PRKG1: variants seen among roughly 807,000 people sequenced by gnomAD.
PRKG1 encodes the protein protein kinase cGMP-dependent 1.
PRKG1 carries 35 observed loss-of-function variants against 88.1 expected under a neutral mutation model. That is an observed-to-expected ratio of 0.40 (90% CI 0.30 to 0.53). The LOEUF (loss-of-function observed/expected upper bound fraction) is 0.53. Ranked by LOEUF, PRKG1 falls within the 20% of genes least tolerant of loss-of-function variation. The pLI is 0.59. For synonymous variants in PRKG1, 303 were observed against 292.5 expected, an observed-to-expected ratio of 1.04 and a Z score of -0.37; for missense variants, 540 against 839.8, an observed-to-expected ratio of 0.64 and a Z score of 4.41.
Position 51,139,639 on chromosome 10 carries a change from A to G in PRKG1, c.312-13525A>G, listed in dbSNP as rs1010461323. Among the ~76,000 whole-genome samples the G allele has an allele frequency of 2.0e-5, 3 of 152,158 alleles. No individual in the cohort carries two copies. In the South Asian group the frequency reaches 6.2e-4, roughly 32 times the overall value. On this transcript the variant is annotated intron_variant, in intron 1 of 17. Coordinates refer to ENST00000373980, the MANE Select transcript of PRKG1 (RefSeq NM_006258.4). The stretch of plus-strand genomic sequence containing the variant: ...TTTCCTTTTCCCCATCCTTACATTC[A>G]TTCTACCAGTAAGTCCTATAGCGCC...
At chr10:51,755,693 A>G (rs1227576288) in intron 3 of PRKG1, among the ~76,000 whole-genome samples, 1 of 152,246 alleles carries the variant, frequency 6.6e-6, no homozygotes, top group African/African-American at 2.4e-5. Context: ...TTATTTAACC[A>G]GCATTCTGTA....
At chr10:51,212,435 G>A (rs1259921053) in intron 2 of PRKG1, among the ~76,000 whole-genome samples, 1 of 152,152 alleles carries the variant, frequency 6.6e-6, no homozygotes, top group African/African-American at 2.4e-5. Flanking sequence ...AACACCAAAA[G>A]CAATGGCAAC....
intron 7 of PRKG1, among the ~76,000 whole-genome samples, chr10:52,108,825 C>CTTTTTTT (rs61504053): frequency 2.4e-5 from 3 of 122,738 alleles, no homozygotes; most frequent in Non-Finnish European, 3.4e-5. Flanking sequence ...ACAAGTATTC[C>CTTTTTTT]TTTTTTTTTT....
chr10:52,007,924 C>T lies in PRKG1; in HGVS notation c.763-46560C>T, dbSNP rs79778858. Among the ~76,000 whole-genome samples, 759 of 152,176 alleles carry T rather than the reference C, an allele frequency of 5.0e-3. 4 individuals are homozygous for T. The highest frequency in any genetic ancestry group is 0.017 in the African/African-American group (700 of 41,544). ...GTGGAAAAACAAAAATCACACCAAA[C>T]ACAGTCTTGGGCTACAGTGCAGTAA... On this transcript the variant is annotated intron_variant, in intron 5 of 17. Coordinates refer to ENST00000373980, the MANE Select transcript of PRKG1 (RefSeq NM_006258.4).
chr10:51,392,337 A>C (rs1377436930), intron 2 of PRKG1, among the ~76,000 whole-genome samples: 1 of 151,934 alleles, frequency 6.6e-6, no homozygotes, highest in Admixed American at 6.6e-5. Context: ...ATGACTCTTA[A>C]GGAGCATGCT....
intron 3 of PRKG1, among the ~76,000 whole-genome samples, chr10:51,788,557 T>C (rs1239506920): frequency 2.0e-5 from 3 of 152,138 alleles, no homozygotes; most frequent in Admixed American, 1.3e-4. Flanking sequence ...TGGGCCAAAA[T>C]GGGACATTTC....
intron 4 of PRKG1, among the ~76,000 whole-genome samples, chr10:51,855,535 C>G (rs1457704270): frequency 6.6e-6 from 1 of 152,194 alleles, no homozygotes; most frequent in African/African-American, 2.4e-5. Context: ...CCAGCACAAT[C>G]ATTCTCTCAG....
At position 51,293,747 on chromosome 10, in the gene PRKG1, G is replaced by T. The variant is rs138134283; in HGVS notation, c.478+140417G>T. Among the ~76,000 whole-genome samples, 89 of 152,200 alleles carry T rather than the reference G, an allele frequency of 5.8e-4. No homozygotes were observed. The East Asian group carries it at 8.1e-3, about 14-fold the overall frequency. On this transcript the variant is annotated intron_variant, in intron 2 of 17. Transcript: ENST00000373980. ...TGGGGTGGGGGATACCTAGAAGTGG[G>T]ATTGCTGAATCATAGTTCTGTTTTT...
intron 3 of PRKG1, among the ~76,000 whole-genome samples, chr10:51,512,386 T>C (rs1315709843): frequency 7.7e-6 from 1 of 129,114 alleles, no homozygotes; most frequent in Non-Finnish European, 1.6e-5. Context: ...GATATTCCCC[T>C]TCCTGTGTCC....
At chr10:51,631,566 C>G (rs1418356569) in intron 3 of PRKG1, among the ~76,000 whole-genome samples, 1 of 152,192 alleles carries the variant, frequency 6.6e-6, no homozygotes, top group African/African-American at 2.4e-5. Flanking sequence ...GTTATGGTCT[C>G]TATGCAGTCA....
intron 3 of PRKG1, among the ~76,000 whole-genome samples, chr10:51,659,307 G>A (rs1272208484): frequency 2.0e-5 from 3 of 152,102 alleles, no homozygotes; most frequent in Admixed American, 1.3e-4. Context: ...ATGTGCTACA[G>A]AGGGTAATCA....
At chr10:52,015,623 T>G (rs1370720772) in intron 5 of PRKG1, among the ~76,000 whole-genome samples, 3 of 152,258 alleles carry the variant, frequency 2.0e-5, no homozygotes, top group Non-Finnish European at 4.4e-5. Context: ...AATAGGTTTT[T>G]CTTTTCTATT....
chr10:51,326,699 G>A (rs1477074825), intron 2 of PRKG1, among the ~76,000 whole-genome samples: 1 of 152,136 alleles, frequency 6.6e-6, no homozygotes, highest in Non-Finnish European at 1.5e-5. Context: ...ATAAATACAA[G>A]CCTCAGCTCA....
At chr10:51,966,925 G>A (rs576479326) in intron 5 of PRKG1, among the ~76,000 whole-genome samples, 39 of 152,160 alleles carry the variant, frequency 2.6e-4, no homozygotes, top group Admixed American at 1.7e-3. Flanking sequence ...TGCTGGAGAG[G>A]ATGTGGAGAA....
At chr10:51,697,724 A>G in intron 3 of PRKG1, 12 of 1,614,088 alleles carry the variant, frequency 7.4e-6, no homozygotes, top group Non-Finnish European at 1.0e-5. Context: ...GGATTTCTGG[A>G]TTTGTTCCTT....
chr10:51,764,135 T>G (rs1374167938), intron 3 of PRKG1, among the ~76,000 whole-genome samples: 1 of 152,208 alleles, frequency 6.6e-6, no homozygotes, highest in Admixed American at 6.5e-5. Flanking sequence ...GCTTTTTCCT[T>G]CAGGATTACA....
At chr10:52,013,575 G>T (rs1177470832) in intron 5 of PRKG1, among the ~76,000 whole-genome samples, 1 of 152,208 alleles carries the variant, frequency 6.6e-6, no homozygotes, top group African/African-American at 2.4e-5. Flanking sequence ...TATAGGTACA[G>T]CATAAGCAAA....
intron 3 of PRKG1, among the ~76,000 whole-genome samples, chr10:51,561,403 T>A (rs1271092089): frequency 6.6e-6 from 1 of 151,972 alleles, no homozygotes; most frequent in Non-Finnish European, 1.5e-5. Context: ...CTTGAAAAAA[T>A]TAAGTATTAT....
intron 3 of PRKG1, among the ~76,000 whole-genome samples, chr10:51,530,769 C>G (rs931383347): frequency 5.3e-5 from 8 of 152,202 alleles, no homozygotes; most frequent in African/African-American, 1.9e-4. Context: ...TTCTCACACA[C>G]GACCTTCCAC....
Sources: allele counts gnomAD v4.1 joint callset (sites outside exome capture counted in the v4.1 genomes callset), GRCh38; gene constraint gnomAD v4.1.1; transcripts MANE v1.5; gene names NCBI Gene and HGNC (gene_info 2026-07-23, HGNC 2026-07-21).